Variants in GABPA observed in about 807,000 individuals in gnomAD.
The protein encoded by GABPA is GA binding protein transcription factor subunit alpha.
A neutral mutation model predicts 59.4 loss-of-function variants in GABPA; 4 were observed. The observed-to-expected ratio is 0.07, with a 90% CI of 0.03 to 0.15. The LOEUF is 0.15. Among genes scored for constraint, GABPA ranks in the 10% least tolerant of loss-of-function variants. The pLI is 1.00. For synonymous variants in GABPA, 164 were observed against 183.1 expected (o/e 0.90, Z 0.84); for missense variants, 251 against 543.8 (o/e 0.46, Z 5.36).
intron 4 of GABPA, among the ~76,000 whole-genome samples, chr21:25,751,508 A>G (rs2035512037): frequency 1.3e-5 from 2 of 151,540 alleles, no homozygotes; most frequent in Admixed American, 1.3e-4. Flanking sequence ...TAATTTAGTA[A>G]ATTTGGCATA....
At chr21:25,755,021 A>G (rs1294012828) in intron 5 of GABPA, among the ~76,000 whole-genome samples, 1 of 152,230 alleles carries the variant, frequency 6.6e-6, no homozygotes, top group Non-Finnish European at 1.5e-5. Flanking sequence ...AGTGCACTCC[A>G]GCCTGGGCAA....
intron 1 of GABPA, among the ~76,000 whole-genome samples, chr21:25,738,178 C>T (rs148242714): frequency 6.6e-6 from 1 of 152,222 alleles, no homozygotes; most frequent in Non-Finnish European, 1.5e-5. Context: ...TATGTCCCTG[C>T]TAACTGCTCT....
chr21:25,757,008 C>A (rs1038381396), intron 5 of GABPA, among the ~76,000 whole-genome samples: 9 of 152,156 alleles, frequency 5.9e-5, no homozygotes, highest in Admixed American at 2.6e-4. Context: ...GGAATAGTTT[C>A]AGTTTCAATA....
At chr21:25,761,582 A>G (rs933019363) in intron 6 of GABPA, among the ~76,000 whole-genome samples, 1 of 152,150 alleles carries the variant, frequency 6.6e-6, no homozygotes, top group Admixed American at 6.6e-5. Flanking sequence ...TATAGTTTCA[A>G]TTTCAAGAGA....
chr21:25,752,197 C>G lies in GABPA; in HGVS notation c.516C>G (p.Gly172=). 6.2e-7 allele frequency: 1 copy of G among 1,612,802 alleles called. No homozygotes were observed. Among genetic ancestry groups the G allele is most frequent in the Non-Finnish European group, 8.5e-7 (1 of 1,179,368 alleles). Residue 172 remains glycine (G), a synonymous_variant, in exon 5 of 10, where the codon GGC becomes GGG. Transcript: ENST00000400075. ...QVTRWAAALE[G]YRKEQERLGI... is the part of the protein sequence containing the mutation. ...CAAGATGGGCTGCTGCACTGGAAGG[C>G]TATAGGAAAGAACAAGAACGCCTTG...
chr21:25,741,755 T>C, intron 2 of GABPA, 80 bp downstream of exon 2: 2 of 847,958 alleles, frequency 2.4e-6, no homozygotes, highest in Non-Finnish European at 3.7e-6. Context: ...CATAGTTCTT[T>C]TGGACTGTCT....
chr21:25,738,843 T>G (rs2035145345), intron 1 of GABPA, among the ~76,000 whole-genome samples: 1 of 152,122 alleles, frequency 6.6e-6, no homozygotes, highest in African/African-American at 2.4e-5. Context: ...TCAGGATGAA[T>G]TCCACAATTT....
intron 3 of GABPA, among the ~76,000 whole-genome samples, chr21:25,748,308 A>G (rs915787605): frequency 6.6e-6 from 1 of 152,232 alleles, no homozygotes; most frequent in Non-Finnish European, 1.5e-5. Flanking sequence ...GAATGCGAGT[A>G]GGACATGCAG....
In GABPA at chr21:25,764,226, A is replaced by G. The variant is rs1183655952; in HGVS notation, c.819A>G (p.Pro273=). 1.9e-6 allele frequency: 3 copies of G among 1,598,546 alleles called. No individual in the cohort carries two copies. The South Asian group carries it at 3.4e-5, about 18-fold the overall frequency. ...VTIDQPVQII[P]ASVQSATPTT... is the part of the protein sequence containing the mutation. ...TCTTTGCAGCTGTGCAAATTATTCC[A>G]GCATCAGTGCAATCTGCTACACCTA... Residue 273 remains proline (P), a synonymous_variant, in exon 8 of 10, where the codon CCA becomes CCG. Transcript: ENST00000400075.
At chr21:25,748,118 C>T (rs1291761107) in intron 3 of GABPA, among the ~76,000 whole-genome samples, 1 of 152,158 alleles carries the variant, frequency 6.6e-6, no homozygotes, top group Non-Finnish European at 1.5e-5. Context: ...GTTGCCCAGG[C>T]TGGTCTCGAA....
Position 25,758,102 on chromosome 21 carries a change from A to C in GABPA, c.646A>C (p.Asn216His), listed in dbSNP as rs2035680259. 1 of 1,611,224 alleles carries C rather than the reference A, an allele frequency of 6.2e-7. No homozygotes were observed. The highest frequency in any genetic ancestry group is 1.1e-5 in the South Asian group (1 of 90,718). ...GACCGATATAGACCTCACCACACTCAACATTTCGGGGAGAGAATTATGTAG... is the reference window on the plus strand; with the variant it reads ...GACCGATATAGACCTCACCACACTCCACATTTCGGGGAGAGAATTATGTAG... Reference protein sequence around the residue: ...SMTDIDLTTLNISGRELCSLN... With the variant: ...SMTDIDLTTLHISGRELCSLN... Residue 216 changes from asparagine (N) to histidine (H), a missense_variant, in exon 6 of 10, where the codon AAC becomes CAC. Asn to His is a moderately conservative substitution (Grantham distance 68). Around this residue, in one of 4 missense-constraint regions of GABPA, gnomAD observed 207 missense variants for 366.7 expected, o/e 0.56. Transcript: ENST00000400075.
intron 9 of GABPA, among the ~76,000 whole-genome samples, chr21:25,766,472 C>T (rs189032724): frequency 2.0e-4 from 31 of 151,970 alleles, no homozygotes; most frequent in African/African-American, 7.2e-4. Flanking sequence ...CCACACATGT[C>T]GGACAGAAGT....
Position 25,762,315 on chromosome 21 carries a change from T to A in GABPA, c.752T>A (p.Val251Glu). The change falls in exon 7 of 10, where the codon GTA becomes GAA. Residue 251 changes from valine to glutamate, a missense_variant. Coordinates refer to ENST00000400075, the MANE Select transcript of GABPA (RefSeq NM_002040.4). ...AAAAAATTTTTGTTTTTTTCAGATG[T>A]ATTGGCAAGTCAAGAACAACAGATG... ...WSHLELLRKY[V>E]LASQEQQMNE... 2 of 1,563,210 alleles carry A rather than the reference T, an allele frequency of 1.3e-6. No homozygotes were observed. Among genetic ancestry groups the A allele is most frequent in the Non-Finnish European group, 1.7e-6 (2 of 1,152,036 alleles).
intron 9 of GABPA, 97 bp from the exon 10 acceptor site, chr21:25,768,907 G>T (rs572988836): frequency 1.4e-6 from 1 of 729,600 alleles, no homozygotes; most frequent in Non-Finnish European, 2.4e-6. Flanking sequence ...GGCGGATGCA[G>T]TACTCTACTA....
intron 5 of GABPA, among the ~76,000 whole-genome samples, chr21:25,754,610 A>T (rs2035589032): frequency 6.6e-6 from 1 of 150,822 alleles, no homozygotes; most frequent in African/African-American, 2.5e-5. Flanking sequence ...GAGTATATTG[A>T]TTATATATTT....
chr21:25,740,160 A>G (rs1167865485), intron 1 of GABPA, among the ~76,000 whole-genome samples: 1 of 152,240 alleles, frequency 6.6e-6, no homozygotes, highest in Non-Finnish European at 1.5e-5. Flanking sequence ...ACATGGAGCC[A>G]CAAGTGGTTT....
chr21:25,746,141 A>G (rs2035357667), intron 3 of GABPA, among the ~76,000 whole-genome samples: 1 of 151,936 alleles, frequency 6.6e-6, no homozygotes, highest in Middle Eastern at 3.4e-3. Flanking sequence ...CCTCCTGAGT[A>G]GCTGGGACTA....
intron 9 of GABPA, among the ~76,000 whole-genome samples, chr21:25,765,573 G>A (rs1455103664): frequency 6.6e-6 from 1 of 151,622 alleles, no homozygotes; most frequent in Admixed American, 6.6e-5. Flanking sequence ...ACAGTATTAC[G>A]GCCATGTAAC....
intron 1 of GABPA, among the ~76,000 whole-genome samples, chr21:25,740,600 A>C (rs555114536): frequency 6.6e-6 from 1 of 152,214 alleles, no homozygotes. Flanking sequence ...TTAAAATTCT[A>C]ATGTTTTTGT....
Sources: gnomAD v4.1 joint callset for allele counts (sites outside exome capture counted in the v4.1 genomes callset) on GRCh38, gnomAD v4.1.1 for gene constraint, gnomAD v4.1.1 regional missense constraint, MANE v1.5 for transcripts, NCBI Gene and HGNC (gene_info 2026-07-23, HGNC 2026-07-21) for gene names.